The following DSCAM variants were observed in gnomAD, a reference collection of about 807,000 sequenced individuals.
The protein encoded by DSCAM is cell adhesion molecule DSCAM.
A neutral mutation model predicts 217.7 loss-of-function variants in DSCAM; 47 were observed. That is an observed-to-expected ratio of 0.22 (90% CI 0.17 to 0.28). The LOEUF (loss-of-function observed/expected upper bound fraction) is 0.28, where lower values mean the gene tolerates loss of function less well. Ranked by LOEUF, DSCAM falls within the 10% of genes least tolerant of loss-of-function variation. The pLI is 1.00. For synonymous variants in DSCAM, 1,056 were observed against 1,015.3 expected, an observed-to-expected ratio of 1.04 and a Z score of -0.76; for missense variants, 2,080 against 2,618.3, an observed-to-expected ratio of 0.79 and a Z score of 4.49.
chr21:40,074,245 C>T (rs1009548778), intron 27 of DSCAM, among the ~76,000 whole-genome samples: 2 of 152,190 alleles, frequency 1.3e-5, no homozygotes, highest in Admixed American at 1.3e-4. Flanking sequence ...CAGTATCCCA[C>T]ACTGCACTGA....
chr21:40,014,620 G>A lies in DSCAM; in HGVS notation c.5687-1234C>T, dbSNP rs775236598. Among the ~76,000 whole-genome samples the A allele has an allele frequency of 9.3e-4, 141 of 152,186 alleles. 1 individual carries two copies. Among genetic ancestry groups the A allele is most frequent in the Non-Finnish European group, 5.0e-4 (34 of 68,014 alleles). On this transcript the variant is annotated intron_variant, in intron 32 of 32. Coordinates refer to ENST00000400454, the MANE Select transcript of DSCAM (RefSeq NM_001389.5). ...ACTGCAGCCTTCTCAGAAGTGCACCGCAGCCTGACGTGCCTCCAACCAATC... is the reference window on the plus strand; with the variant it reads ...ACTGCAGCCTTCTCAGAAGTGCACCACAGCCTGACGTGCCTCCAACCAATC...
chr21:40,485,798 GTTA>G (rs1275196473), intron 3 of DSCAM, among the ~76,000 whole-genome samples: 2 of 151,582 alleles, frequency 1.3e-5, no homozygotes, highest in Admixed American at 6.6e-5. Flanking sequence ...TATATTGTAT[GTTA>G]TTATATATTT....
At chr21:40,141,745 G>A (rs904992059) in intron 18 of DSCAM, among the ~76,000 whole-genome samples, 5 of 152,164 alleles carry the variant, frequency 3.3e-5, no homozygotes, top group Non-Finnish European at 7.4e-5. Context: ...GACAGAGACA[G>A]TGAGCAGGCT....
intron 10 of DSCAM, among the ~76,000 whole-genome samples, chr21:40,294,824 ACT>A (rs1196852153): frequency 6.6e-6 from 1 of 152,188 alleles, no homozygotes; most frequent in Non-Finnish European, 1.5e-5. Flanking sequence ...GGGGGCAGAG[ACT>A]CTGAATAACA....
At chr21:40,435,083 A>G (rs895729478) in intron 3 of DSCAM, among the ~76,000 whole-genome samples, 5 of 152,218 alleles carry the variant, frequency 3.3e-5, no homozygotes, top group African/African-American at 1.2e-4. Context: ...GGGAGCGGAC[A>G]AGATCTCTCC....
At chr21:40,514,420 G>A (rs1278452209) in intron 3 of DSCAM, among the ~76,000 whole-genome samples, 1 of 152,206 alleles carries the variant, frequency 6.6e-6, no homozygotes, top group Non-Finnish European at 1.5e-5. Flanking sequence ...CTGGATTAGC[G>A]AGAAAATGCT....
chr21:40,760,695 T>C (rs2091324049), intron 1 of DSCAM, among the ~76,000 whole-genome samples: 1 of 152,238 alleles, frequency 6.6e-6, no homozygotes. Context: ...TCTCTCCTCC[T>C]GTGATCCTTG....
chr21:40,829,275 G>A (rs764920934), intron 1 of DSCAM, among the ~76,000 whole-genome samples: 5 of 152,270 alleles, frequency 3.3e-5, no homozygotes, highest in East Asian at 3.9e-4. Flanking sequence ...TGAGGTTATC[G>A]ACTCAGAGTC....
intron 30 of DSCAM, among the ~76,000 whole-genome samples, chr21:40,050,960 A>G (rs1177445612): frequency 1.3e-5 from 2 of 152,248 alleles, no homozygotes; most frequent in African/African-American, 2.4e-5. Context: ...CATTTTTTAA[A>G]TGAATTTCAA....
intron 10 of DSCAM, among the ~76,000 whole-genome samples, chr21:40,281,555 A>G (rs554953125): frequency 1.3e-5 from 2 of 152,332 alleles, no homozygotes; most frequent in African/African-American, 4.8e-5. Context: ...ATCTTAAAAT[A>G]TATTACCATA....
intron 11 of DSCAM, among the ~76,000 whole-genome samples, chr21:40,214,776 A>G (rs2091226044): frequency 6.6e-6 from 1 of 151,840 alleles, no homozygotes; most frequent in Admixed American, 6.5e-5. Context: ...AACAAGAAAA[A>G]GACAAAGGTC....
chr21:40,528,098 C>A (rs1888509), intron 3 of DSCAM, among the ~76,000 whole-genome samples: 45,113 of 152,020 alleles, frequency 0.3, 8,919 homozygotes, highest in African/African-American at 0.55. Flanking sequence ...GTATTTCTAC[C>A]ATGTTCTGAT....
intron 3 of DSCAM, among the ~76,000 whole-genome samples, chr21:40,642,877 T>C (rs2089900145): frequency 6.6e-6 from 1 of 152,102 alleles, no homozygotes; most frequent in Non-Finnish European, 1.5e-5. Flanking sequence ...GTGATTCTGA[T>C]GTGTGATGAG....
chr21:40,338,092 AG>A lies in DSCAM; in HGVS notation c.1783+8del. The A allele has an allele frequency of 6.2e-7, 1 of 1,612,584 alleles. No homozygotes were observed. Among genetic ancestry groups the A allele is most frequent in the Non-Finnish European group, 8.5e-7 (1 of 1,179,390 alleles). ...TGAGTTGTGTGGGAACCAGGAGAAC[AG>A]GGCTTACCTTTCACGGTCACGTGGA... On this transcript the variant is annotated splice_region_variant and intron_variant, in intron 8 of 32. Transcript: ENST00000400454.
intron 15 of DSCAM, among the ~76,000 whole-genome samples, chr21:40,175,236 A>G (rs1280437488): frequency 6.6e-6 from 1 of 152,108 alleles, no homozygotes. Flanking sequence ...CAGCCTCCCA[A>G]GTAGCTGGGA....
At chr21:40,401,610 C>G (rs950633323) in intron 3 of DSCAM, among the ~76,000 whole-genome samples, 1 of 152,158 alleles carries the variant, frequency 6.6e-6, no homozygotes, top group African/African-American at 2.4e-5. Flanking sequence ...TCTTGGAGAC[C>G]ATCAAGCGTG....
intron 3 of DSCAM, among the ~76,000 whole-genome samples, chr21:40,577,384 A>G (rs2076860562): frequency 6.6e-6 from 1 of 152,080 alleles, no homozygotes; most frequent in Admixed American, 6.5e-5. Context: ...GGGCACTGAC[A>G]CGGTAGTCGA....
At chr21:40,570,121 A>C (rs1458687750) in intron 3 of DSCAM, among the ~76,000 whole-genome samples, 1 of 152,218 alleles carries the variant, frequency 6.6e-6, no homozygotes, top group Non-Finnish European at 1.5e-5. Flanking sequence ...TCTAGAGAGC[A>C]AAGAGAATGC....
chr21:40,277,374 G>A (rs2073700968), intron 10 of DSCAM, among the ~76,000 whole-genome samples: 1 of 152,138 alleles, frequency 6.6e-6, no homozygotes, highest in Admixed American at 6.5e-5. Flanking sequence ...TCCTCTTGCT[G>A]TCTCCATACC....
Sources: gnomAD v4.1 joint callset for allele counts (sites outside exome capture counted in the v4.1 genomes callset) on GRCh38, gnomAD v4.1.1 for gene constraint, MANE v1.5 for transcripts, NCBI Gene and HGNC (gene_info 2026-07-23, HGNC 2026-07-21) for gene names.